The following KIF15 variants were observed in gnomAD, a reference collection of about 807,000 sequenced individuals.
The protein encoded by KIF15 is kinesin-like protein KIF15.
A neutral mutation model predicts 190.6 loss-of-function variants in KIF15; 140 were observed. That is an observed-to-expected ratio of 0.73 (90% CI 0.64 to 0.84). The LOEUF is 0.84. KIF15 is among the 40% of genes least tolerant of loss of function. The pLI, the probability that KIF15 is intolerant of heterozygous loss-of-function variation, is 0.00. For synonymous variants in KIF15, 528 were observed against 551.3 expected (o/e 0.96, Z 0.59); for missense variants, 1,372 against 1,584.4 (o/e 0.87, Z 2.28).
chr3:44,761,916 T>C (rs537939767), intron 1 of KIF15, 32 bp downstream of exon 1: 1 of 1,614,056 alleles, frequency 6.2e-7, no homozygotes, highest in African/African-American at 1.3e-5. Flanking sequence ...CGTTACCCTA[T>C]TTTTGCCCCC....
chr3:44,780,763 T>C, intron 4 of KIF15, 122 bp from the exon 5 acceptor site: 2 of 601,854 alleles, frequency 3.3e-6, no homozygotes, highest in South Asian at 5.5e-5. Flanking sequence ...TCTAATAGAA[T>C]TTAAAAATAG....
intron 30 of KIF15, among the ~76,000 whole-genome samples, chr3:44,845,768 A>G (rs1698821756): frequency 6.6e-6 from 1 of 152,196 alleles, no homozygotes; most frequent in South Asian, 2.1e-4. Flanking sequence ...ACCCTGCAAC[A>G]GAGCTTATCA....
chr3:44,784,823 G>GTTT (rs56895721), intron 5 of KIF15, 22 bp from the exon 6 acceptor site: 156 of 1,099,152 alleles, frequency 1.4e-4, no homozygotes, highest in East Asian at 2.9e-4. Context: ...AAAATCCAGT[G>GTTT]TTTTTTTTTT....
At chr3:44,824,109 C>A (rs1014202871) in intron 20 of KIF15, among the ~76,000 whole-genome samples, 5 of 152,212 alleles carry the variant, frequency 3.3e-5, no homozygotes, top group South Asian at 2.1e-4. Flanking sequence ...CCGCTGGGAG[C>A]TGCAGACTGC....
rs1481030982 is a variant in KIF15, at chr3:44,794,275, C to T, written c.698C>T (p.Ser233Leu). ...RVASTSMNRESSRSHAVFTIT... is the reference protein window; with the variant it reads ...RVASTSMNRELSRSHAVFTIT... ...GCATCAACATCAATGAACAGAGAAT[C>T]GTCTAGGTCTCATGCCGTCTTTACA... The change falls in exon 8 of 35, where the codon TCG becomes TTG. Residue 233 changes from serine (S) to leucine (L), a missense_variant. Coordinates refer to ENST00000326047, the MANE Select transcript of KIF15 (RefSeq NM_020242.3). 13 of 1,613,822 alleles carry T rather than the reference C, an allele frequency of 8.1e-6. No homozygotes were observed. Among genetic ancestry groups the T allele is most frequent in the East Asian group, 4.5e-5 (2 of 44,872 alleles).
intron 6 of KIF15, among the ~76,000 whole-genome samples, chr3:44,867,526 C>T (rs1699334013): frequency 6.6e-6 from 1 of 152,226 alleles, no homozygotes; most frequent in Non-Finnish European, 1.5e-5. Context: ...GAAAGAAGTC[C>T]ATCTTGGAGC....
chr3:44,789,930 A>T (rs1459829324), intron 7 of KIF15, among the ~76,000 whole-genome samples: 4 of 152,016 alleles, frequency 2.6e-5, no homozygotes, highest in Non-Finnish European at 5.9e-5. Context: ...TGTCAACTAT[A>T]CATTTATTTT....
chr3:44,795,806 TA>T (rs1432514294), intron 8 of KIF15, among the ~76,000 whole-genome samples: 1 of 152,270 alleles, frequency 6.6e-6, no homozygotes, highest in East Asian at 1.9e-4. Flanking sequence ...CTTTTTTCAT[TA>T]AAAGTGAGGA....
intron 22 of KIF15, chr3:44,827,215 ATATATGT>A (rs1697712449): frequency 1.1e-5 from 5 of 445,006 alleles, no homozygotes; most frequent in Non-Finnish European, 2.1e-5. Flanking sequence ...ATACTATATG[ATATATGT>A]TATATTTAGG....
At chr3:44,801,631 G>C (rs1307972922) in intron 12 of KIF15, 105 bp downstream of exon 12, 1 of 955,256 alleles carries the variant, frequency 1.0e-6, no homozygotes, top group African/African-American at 1.6e-5. Flanking sequence ...AGTCAATAAA[G>C]TAATGGAAGG....
chr3:44,788,653 G>A (rs930755787), intron 7 of KIF15, among the ~76,000 whole-genome samples: 2 of 151,888 alleles, frequency 1.3e-5, no homozygotes, highest in Non-Finnish European at 2.9e-5. Flanking sequence ...ATGAGGTTTA[G>A]CCATGTTGTC....
intron 6 of KIF15, among the ~76,000 whole-genome samples, chr3:44,860,804 A>G (rs1300611390): frequency 6.6e-6 from 1 of 152,210 alleles, no homozygotes; most frequent in Non-Finnish European, 1.5e-5. Flanking sequence ...CAACTGTGAA[A>G]TCATTTTTGT....
At chr3:44,781,907 A>G in intron 5 of KIF15, among the ~76,000 whole-genome samples, 1 of 152,166 alleles carries the variant, frequency 6.6e-6, no homozygotes, top group East Asian at 1.9e-4. Flanking sequence ...TATTCCTTAT[A>G]AAACAGAGAA....
downstream of KIF15, among the ~76,000 whole-genome samples, chr3:44,857,841 A>G (rs1024802746): frequency 2.0e-5 from 3 of 152,172 alleles, no homozygotes; most frequent in Non-Finnish European, 4.4e-5. Flanking sequence ...GATGGAGAAG[A>G]AATTGAGCTT....
chr3:44,777,971 CATCTT>C, intron 3 of KIF15, 139 bp from the exon 4 acceptor site: 1 of 659,602 alleles, frequency 1.5e-6, no homozygotes, highest in South Asian at 1.7e-5. Context: ...AAAGTTGAAT[CATCTT>C]AGATAGTTTA....
intron 26 of KIF15, among the ~76,000 whole-genome samples, chr3:44,831,361 A>G (rs2125700230): frequency 6.6e-6 from 1 of 152,276 alleles, no homozygotes; most frequent in South Asian, 2.1e-4. Flanking sequence ...AATAATACAA[A>G]TAGTCATGTA....
intron 7 of KIF15, among the ~76,000 whole-genome samples, chr3:44,791,774 A>G (rs1162044053): frequency 3.3e-5 from 5 of 152,178 alleles, no homozygotes; most frequent in Non-Finnish European, 5.9e-5. Context: ...CTGGAGTGCA[A>G]TGGCATGATC....
At chr3:44,792,909 T>C (rs2125925501) in intron 7 of KIF15, among the ~76,000 whole-genome samples, 1 of 152,226 alleles carries the variant, frequency 6.6e-6, no homozygotes, top group African/African-American at 2.4e-5. Flanking sequence ...TATACATTAT[T>C]TTACTTAATT....
At chr3:44,825,961 A>G (rs946402079) in intron 20 of KIF15, 78 bp from the exon 21 acceptor site, 12 of 1,300,612 alleles carry the variant, frequency 9.2e-6, no homozygotes, top group Non-Finnish European at 1.2e-5. Flanking sequence ...GATGAGATAA[A>G]TTGAACTGCA....
Sources: allele counts gnomAD v4.1 joint callset (sites outside exome capture counted in the v4.1 genomes callset), GRCh38; gene constraint gnomAD v4.1.1; transcripts MANE v1.5; gene names NCBI Gene and HGNC (gene_info 2026-07-23, HGNC 2026-07-21).